HSP90AA1: variants seen among roughly 807,000 people sequenced by gnomAD.
The protein encoded by HSP90AA1 is heat shock protein HSP 90-alpha.
HSP90AA1 carries 18 observed loss-of-function variants against 73.3 expected under a neutral mutation model. That is an observed-to-expected ratio of 0.25 (90% confidence interval 0.17 to 0.36). The LOEUF (loss-of-function observed/expected upper bound fraction) is 0.36. Among genes scored for constraint, HSP90AA1 ranks in the 10% least tolerant of loss-of-function variants. The probability of loss-of-function intolerance (pLI) is 1.00; values close to 1 mark genes in which losing one functional copy is unlikely to be tolerated. For missense variants in HSP90AA1, 704 were observed against 874.2 expected (o/e 0.81, Z 2.45); for synonymous variants, 477 against 296.9 (o/e 1.61, Z -6.24).
chr14:102,101,763 G>A, intron 2 of HSP90AA1: 1 of 838,210 alleles, frequency 1.2e-6, no homozygotes, highest in East Asian at 2.6e-5. Flanking sequence ...AAACAATAAA[G>A]AGAGTGACAT....
upstream of HSP90AA1, chr14:102,087,173 T>TGCGCCGTTGCCGCGGCACC: frequency 1.0e-6 from 1 of 981,592 alleles, no homozygotes; most frequent in South Asian, 4.7e-5. Context: ...CGCCTACGCA[T>TGCGCCGTTGCCGCGGCACC]GCGCCGTTGC....
At chr14:102,082,967 CTATG>C in intron 9 of HSP90AA1, 63 bp downstream of exon 9, 1 of 1,459,982 alleles carries the variant, frequency 6.8e-7, no homozygotes, top group South Asian at 1.1e-5. Context: ...CGAAAATGGG[CTATG>C]TATGACTAAG....
In HSP90AA1 at chr14:102,114,980, A is replaced by C. The variant is rs139261934; in HGVS notation, c.156-12895T>G. Among the ~76,000 whole-genome samples, 86 of 152,098 alleles carry C rather than the reference A, an allele frequency of 5.7e-4. 1 individual carries two copies. Among genetic ancestry groups the C allele is most frequent in the African/African-American group, 2.0e-3 (85 of 41,500 alleles). On this transcript the variant is annotated intron_variant, in intron 1 of 11. Transcript: ENST00000334701. ...AAACCCCGTCTCTACTAAAAATACAACAACAACAACAAAATTAGCTGGGTG... is the reference window on the plus strand; with the variant it reads ...AAACCCCGTCTCTACTAAAAATACACCAACAACAACAAAATTAGCTGGGTG...
intron 1 of HSP90AA1, among the ~76,000 whole-genome samples, chr14:102,127,205 T>C (rs2049850962): frequency 6.6e-6 from 1 of 152,202 alleles, no homozygotes; most frequent in Non-Finnish European, 1.5e-5. Flanking sequence ...TAGGAACTGT[T>C]ATTGAGGCTA....
At chr14:102,105,217 AAC>A (rs1491074154) in intron 1 of HSP90AA1, among the ~76,000 whole-genome samples, 3,692 of 119,426 alleles carry the variant, frequency 0.031, 394 homozygotes, top group African/African-American at 0.13. Flanking sequence ...AAAAAAAAAA[AAC>A]AAAAAAAAAA....
chr14:102,091,717 C>T (rs1362256981), upstream of HSP90AA1, among the ~76,000 whole-genome samples: 1 of 151,996 alleles, frequency 6.6e-6, no homozygotes, highest in Non-Finnish European at 1.5e-5. Context: ...CCATCAGCCT[C>T]CTGGGCGCAA....
chr14:102,123,068 G>C (rs1226830180), intron 1 of HSP90AA1, among the ~76,000 whole-genome samples: 2 of 152,008 alleles, frequency 1.3e-5, no homozygotes, highest in Non-Finnish European at 2.9e-5. Flanking sequence ...TTTTGATTTG[G>C]CCTGAATTCA....
At chr14:102,082,643 T>C (rs578192824) in intron 9 of HSP90AA1, 199 bp from the exon 10 acceptor site, 6 of 596,140 alleles carry the variant, frequency 1.0e-5, no homozygotes, top group African/African-American at 7.4e-5. Flanking sequence ...TTTTTTGAGA[T>C]AGAGTCTCGC....
chr14:102,133,455 G>C (rs1038712437), intron 1 of HSP90AA1, among the ~76,000 whole-genome samples: 1 of 151,570 alleles, frequency 6.6e-6, no homozygotes, highest in Non-Finnish European at 1.5e-5. Context: ...TATTACCCAG[G>C]GCTTGGTGAG....
intron 1 of HSP90AA1, among the ~76,000 whole-genome samples, chr14:102,135,589 C>T (rs1204809022): frequency 1.3e-5 from 2 of 152,368 alleles, no homozygotes; most frequent in Admixed American, 6.5e-5. Flanking sequence ...AGGCTCCGGC[C>T]GCACAGGAAC....
At chr14:102,132,888 A>C (rs1566738000) in intron 1 of HSP90AA1, among the ~76,000 whole-genome samples, 1 of 151,620 alleles carries the variant, frequency 6.6e-6, no homozygotes, top group Non-Finnish European at 1.5e-5. Context: ...TGAACCCGGG[A>C]GGTGGAGGTT....
intron 1 of HSP90AA1, among the ~76,000 whole-genome samples, chr14:102,122,203 C>T (rs1483514932): frequency 6.6e-6 from 1 of 151,766 alleles, no homozygotes; most frequent in Non-Finnish European, 1.5e-5. Flanking sequence ...TTAATCCTGC[C>T]ATCTCTATCA....
Position 102,085,204 on chromosome 14 carries a change from G to A in HSP90AA1, c.663+94C>T, listed in dbSNP as rs1040015806. 10 of 1,460,404 alleles carry A rather than the reference G, an allele frequency of 6.8e-6. No individual in the cohort carries two copies. The East Asian group carries it at 1.6e-4, about 23-fold the overall frequency. 90.5% of individuals were successfully genotyped at this position (1,460,404 alleles called of 1,614,324 possible). On this transcript the variant is annotated intron_variant, in intron 4 of 10. Coordinates refer to ENST00000216281, the MANE Select transcript of HSP90AA1 (RefSeq NM_005348.4). ...TAGAGCTTAGGTTCCCCAGGCTTCA[G>A]ACTAGTTGAACAGATCTAGGGACTA...
At chr14:102,085,557 G>C in intron 3 of HSP90AA1, 126 bp from the exon 4 acceptor site, 3 of 1,198,178 alleles carry the variant, frequency 2.5e-6, no homozygotes, top group Middle Eastern at 1.9e-4. Context: ...GGCCACCACA[G>C]CAGAACCTTT....
chr14:102,128,549 A>C (rs897389980), intron 1 of HSP90AA1, among the ~76,000 whole-genome samples: 29 of 149,890 alleles, frequency 1.9e-4, no homozygotes, highest in African/African-American at 7.1e-4. Flanking sequence ...GATTGCTTGA[A>C]CCCAGGAGGC....
upstream of HSP90AA1, chr14:102,087,306 G>T: frequency 2.8e-6 from 1 of 359,826 alleles, no homozygotes; most frequent in Non-Finnish European, 3.9e-6. Flanking sequence ...CGGCCTCAAT[G>T]CGCCTGCGCG....
intron 5 of HSP90AA1, 54 bp from the exon 6 acceptor site, chr14:102,084,618 T>C: frequency 8.7e-6 from 14 of 1,614,158 alleles, no homozygotes; most frequent in Non-Finnish European, 1.1e-5. Flanking sequence ...ATAGAAGATA[T>C]TTGGGGTGGT....
chr14:102,100,528 C>A (rs1345058539), intron 2 of HSP90AA1, among the ~76,000 whole-genome samples: 1 of 151,362 alleles, frequency 6.6e-6, no homozygotes, highest in African/African-American at 2.4e-5. Context: ...CGGGTTCAAG[C>A]GGTTCTCCTG....
intron 1 of HSP90AA1, among the ~76,000 whole-genome samples, chr14:102,111,602 A>G (rs2049643441): frequency 1.3e-5 from 2 of 152,266 alleles, no homozygotes; most frequent in Admixed American, 1.3e-4. Flanking sequence ...AGGGGCACAA[A>G]GAGGGTAAAT....
Sources: allele counts gnomAD v4.1 joint callset (sites outside exome capture counted in the v4.1 genomes callset), GRCh38; gene constraint gnomAD v4.1.1; transcripts MANE v1.5; gene names NCBI Gene and HGNC (gene_info 2026-07-23, HGNC 2026-07-21).